HERC2: variants seen among roughly 807,000 people sequenced by gnomAD.
HERC2 encodes HECT and RLD domain containing E3 ubiquitin protein ligase 2.
Under a neutral mutation model 537.7 loss-of-function variants are expected in HERC2, and 102 were observed. That is an observed-to-expected ratio of 0.19 (90% confidence interval 0.16 to 0.22). The LOEUF is 0.22. Ranked by LOEUF, HERC2 falls within the 10% of genes least tolerant of loss-of-function variation. The probability of loss-of-function intolerance (pLI) is 1.00; values close to 1 mark genes in which losing one functional copy is unlikely to be tolerated. For synonymous variants in HERC2, 2,224 were observed against 2,466.2 expected (o/e 0.90, Z 2.91); for missense variants, 4,236 against 6,198.2 (o/e 0.68, Z 10.63).
intron 57 of HERC2, among the ~76,000 whole-genome samples, chr15:28,180,987 G>A (rs146002368): frequency 6.4e-4 from 98 of 152,288 alleles, no homozygotes; most frequent in African/African-American, 2.2e-3. Context: ...CACGGATACT[G>A]AGGGATGACT....
intron 4 of HERC2, among the ~76,000 whole-genome samples, chr15:28,284,338 T>C (rs1005963243): frequency 8.6e-5 from 12 of 140,088 alleles, no homozygotes; most frequent in African/African-American, 3.1e-4. Flanking sequence ...ACCGAAAAAA[T>C]GAAAAACAGA....
chr15:28,315,525 C>T (rs1347455284), intron 2 of HERC2: 14 of 399,022 alleles, frequency 3.5e-5, no homozygotes, highest in South Asian at 1.5e-4. Flanking sequence ...CAGCCGGGCA[C>T]GGTTCATGCT....
rs983290364 is a variant in HERC2, at chr15:28,321,392, G to A, written c.42C>T (p.Leu14=). The A allele has an allele frequency of 3.1e-6, 3 of 955,836 alleles. No individual in the cohort carries two copies. Among genetic ancestry groups the A allele is most frequent in the South Asian group, 2.6e-5 (2 of 75,912 alleles). 59.2% of individuals were successfully genotyped at this position (955,836 alleles called of 1,614,324 possible). The change falls in exon 2 of 93, where the codon CTC becomes CTT. Residue 14 remains leucine, a synonymous_variant. Transcript: ENST00000261609. ...TATCTGTTTTCAACCATTTGGAGTC[G>A]AGGCGAGCCTGGGCAGCCAAACAGA... ...ESFCLAAQAR[L]DSKWLKTDIQ... is the part of the protein sequence containing the mutation.
Position 28,299,878 on chromosome 15 carries a change from C to G in HERC2, c.73-362G>C, listed in dbSNP as rs562895456. ...ACCAGCCTGGCCAACACGGTGAAAC[C>G]CCGTCCCAACTAAAAATACAAAAAA... On this transcript the variant is annotated intron_variant, in intron 2 of 92. Coordinates refer to ENST00000261609, the MANE Select transcript of HERC2 (RefSeq NM_004667.6). Among the ~76,000 whole-genome samples, 1,208 of 151,832 alleles carry G rather than the reference C, an allele frequency of 8.0e-3. 12 individuals are homozygous for G. The highest frequency in any genetic ancestry group is 0.027 in the African/African-American group (1,134 of 41,406).
intron 69 of HERC2, among the ~76,000 whole-genome samples, chr15:28,158,989 C>T (rs1893300738): frequency 6.6e-6 from 1 of 152,114 alleles, no homozygotes; most frequent in Non-Finnish European, 1.5e-5. Context: ...TTCTCCTTCA[C>T]TTATGAAGCT....
intron 44 of HERC2, among the ~76,000 whole-genome samples, chr15:28,210,738 A>G (rs2240208): frequency 0.13 from 19,638 of 150,148 alleles, 1,213 homozygotes; most frequent in East Asian, 0.26. Flanking sequence ...CGTGCCACCA[A>G]TCTTGCTGAC....
intron 4 of HERC2, among the ~76,000 whole-genome samples, chr15:28,287,557 G>T (rs899193086): frequency 1.3e-5 from 2 of 152,040 alleles, no homozygotes; most frequent in African/African-American, 4.8e-5. Context: ...CAAAACAACA[G>T]ATTTTTAAAA....
chr15:28,164,770 G>A (rs184039988), intron 68 of HERC2, among the ~76,000 whole-genome samples: 61 of 152,198 alleles, frequency 4.0e-4, no homozygotes, highest in Non-Finnish European at 6.5e-4. Context: ...TAAATTGGGG[G>A]GAAATAAATC....
chr15:28,159,471 T>C (rs1893351929), intron 69 of HERC2, among the ~76,000 whole-genome samples: 2 of 152,168 alleles, frequency 1.3e-5, no homozygotes, highest in African/African-American at 2.4e-5. Flanking sequence ...TCTCGCTTCA[T>C]TTCATTCATT....
At chr15:28,193,840 G>A (rs908662918) in intron 52 of HERC2, among the ~76,000 whole-genome samples, 1 of 151,970 alleles carries the variant, frequency 6.6e-6, no homozygotes, top group Non-Finnish European at 1.5e-5. Context: ...AAATAAAGGA[G>A]AAATAAAGAC....
At position 28,256,135 on chromosome 15, in the gene HERC2, G is replaced by A. The variant is rs376492281; in HGVS notation, c.2700C>T (p.Thr900=). Residue 900 remains threonine (T), a synonymous_variant, in exon 18 of 93, where the codon ACC becomes ACT. Transcript: ENST00000261609. The part of the protein sequence containing the change: ...LQSGWSVLLP[T]AEERARALSA... ...AGAGTGCCCGGGCCCGCTCCTCCGCGGTGGGCAGCAGCACGGACCAGCCAC... is the reference window on the plus strand; with the variant it reads ...AGAGTGCCCGGGCCCGCTCCTCCGCAGTGGGCAGCAGCACGGACCAGCCAC... 30 of 1,601,930 alleles carry A rather than the reference G, an allele frequency of 1.9e-5. No homozygotes were observed. The highest frequency in any genetic ancestry group is 4.0e-5 in the African/African-American group (3 of 75,036).
intron 20 of HERC2, among the ~76,000 whole-genome samples, chr15:28,250,020 G>A (rs374011266): frequency 2.6e-5 from 4 of 152,100 alleles, no homozygotes; most frequent in Non-Finnish European, 5.9e-5. Context: ...ACGGAGGGGA[G>A]GAGAGCCCAA....
At chr15:28,319,238 G>A (rs2077169775) in intron 2 of HERC2, among the ~76,000 whole-genome samples, 1 of 152,266 alleles carries the variant, frequency 6.6e-6, no homozygotes. Flanking sequence ...TTTTCCTCTG[G>A]TGCACACTAT....
At position 28,182,522 on chromosome 15, in the gene HERC2, C is replaced by T. The variant is rs755016271; in HGVS notation, c.8826-10G>A. 53 of 1,544,970 alleles carry T rather than the reference C, an allele frequency of 3.4e-5. No individual in the cohort carries two copies. The highest frequency in any genetic ancestry group is 2.5e-4 in the Admixed American group (13 of 52,354). Reference sequence around the variant, plus strand: ...CTTCTTTCTAATGAGGCTAACCAAACGGAAAAAAAAAAGAAAAAGAAAAGA... The same window carrying T: ...CTTCTTTCTAATGAGGCTAACCAAATGGAAAAAAAAAAGAAAAAGAAAAGA... On this transcript the variant is annotated splice_polypyrimidine_tract_variant and intron_variant, in intron 56 of 92. Transcript: ENST00000261609.
At chr15:28,149,293 C>G (rs73379663) in intron 70 of HERC2, among the ~76,000 whole-genome samples, 1 of 150,878 alleles carries the variant, frequency 6.6e-6, no homozygotes, top group Admixed American at 6.6e-5. Flanking sequence ...AAAAAACACA[C>G]GCAGCTCCTG....
chr15:28,196,198 T>C lies in HERC2; in HGVS notation c.8260+17A>G, dbSNP rs1240829572. Reference sequence around the variant, plus strand: ...TTAATATTTGGTGGAAGAGAGAATATAAACATTCTGCCATACCTGGTTCAT... The same window carrying C: ...TTAATATTTGGTGGAAGAGAGAATACAAACATTCTGCCATACCTGGTTCAT... On this transcript the variant is annotated intron_variant, in intron 52 of 92. Transcript: ENST00000261609. 4 of 1,216,126 alleles carry C rather than the reference T, an allele frequency of 3.3e-6. No homozygotes were observed. The highest frequency in any genetic ancestry group is 3.5e-6 in the Non-Finnish European group (3 of 859,570). The allele number at this position is 1,216,126 out of a possible 1,614,324, so 75.3% of individuals were successfully genotyped here. A position where few individuals can be genotyped will look rare whatever the true frequency, so the allele number is the denominator to read the frequency against.
chr15:28,225,197 G>A (rs1478820529), intron 35 of HERC2, among the ~76,000 whole-genome samples: 1 of 151,896 alleles, frequency 6.6e-6, no homozygotes, highest in East Asian at 1.9e-4. Flanking sequence ...AGGCTGCAGT[G>A]AGCCATGACT....
chr15:28,182,735 G>A (rs1466690942), intron 56 of HERC2, among the ~76,000 whole-genome samples: 2 of 152,118 alleles, frequency 1.3e-5, no homozygotes, highest in Admixed American at 6.6e-5. Flanking sequence ...TTTAATACTA[G>A]CACTTAATTT....
intron 4 of HERC2, among the ~76,000 whole-genome samples, chr15:28,288,674 T>C (rs2076227726): frequency 6.6e-6 from 1 of 151,370 alleles, no homozygotes. Flanking sequence ...AGTGAAACCC[T>C]GTCTCTACTA....
Sources: allele counts gnomAD v4.1 joint callset (sites outside exome capture counted in the v4.1 genomes callset), GRCh38; gene constraint gnomAD v4.1.1; transcripts MANE v1.5; gene names NCBI Gene and HGNC (gene_info 2026-07-23, HGNC 2026-07-21).